Variants in HERC2 observed in about 807,000 individuals in gnomAD.
HERC2 encodes the protein E3 ubiquitin-protein ligase HERC2.
A neutral mutation model predicts 537.7 loss-of-function variants in HERC2; 102 were observed. The observed-to-expected ratio is 0.19, with a 90% CI of 0.16 to 0.22. The LOEUF (loss-of-function observed/expected upper bound fraction) is 0.22. Ranked by LOEUF, HERC2 falls within the 10% of genes least tolerant of loss-of-function variation. HERC2 has a pLI of 1.00. For synonymous variants in HERC2, 2,224 were observed against 2,466.2 expected, an observed-to-expected ratio of 0.90 and a Z score of 2.91; for missense variants, 4,236 against 6,198.2, an observed-to-expected ratio of 0.68 and a Z score of 10.63.
intron 4 of HERC2, among the ~76,000 whole-genome samples, chr15:28,287,885 A>G (rs2076203257): frequency 4.6e-5 from 7 of 151,794 alleles, no homozygotes; most frequent in Admixed American, 4.6e-4. Context: ...CACCACGCCC[A>G]GCTAATTTTT....
chr15:28,144,838 C>T, intron 71 of HERC2, 34 bp from the exon 72 acceptor site: 1 of 1,613,502 alleles, frequency 6.2e-7, no homozygotes, highest in Non-Finnish European at 8.5e-7. Context: ...GGGTTAGCTT[C>T]ACTCCATCAT....
chr15:28,231,984 T>G (rs927898660), intron 30 of HERC2, among the ~76,000 whole-genome samples: 1 of 152,004 alleles, frequency 6.6e-6, no homozygotes, highest in Non-Finnish European at 1.5e-5. Flanking sequence ...CGAGGCAGCC[T>G]GTCTCCTGGG....
At chr15:28,132,468 A>G (rs1172659116) in intron 80 of HERC2, among the ~76,000 whole-genome samples, 185 bp downstream of exon 80, 1 of 152,252 alleles carries the variant, frequency 6.6e-6, no homozygotes, top group Admixed American at 6.5e-5. Context: ...AGGAGGTATC[A>G]GCGTCTTTGA....
Position 28,186,749 on chromosome 15 carries a change from G to A in HERC2, c.8653C>T (p.His2885Tyr), listed in dbSNP as rs1437848694. The change falls in exon 56 of 93, where the codon CAC becomes TAC. Residue 2885 changes from histidine to tyrosine, a missense_variant. His to Tyr is a moderately conservative substitution (Grantham distance 83, BLOSUM62 2). Around this residue, in one of 27 missense-constraint regions of HERC2, gnomAD observed 606 missense variants for 884.5 expected, o/e 0.69. Transcript: ENST00000261609. Reference protein sequence around the residue: ...VPLLNDCTEYHRYIEIAIKQC... With the variant: ...VPLLNDCTEYYRYIEIAIKQC... The stretch of plus-strand genomic sequence containing the variant: ...TTTATAGCAATTTCAATATACCTGT[G>A]ATACTAGACACAAAAACCATGATCT... The A allele has an allele frequency of 3.1e-6, 5 of 1,610,888 alleles. No homozygotes were observed. The East Asian group carries it at 6.7e-5, about 22-fold the overall frequency.
intron 20 of HERC2, 52 bp downstream of exon 20, chr15:28,254,288 C>A (rs117902599): frequency 0.02 from 26,462 of 1,332,494 alleles, 467 homozygotes; most frequent in Middle Eastern, 0.063. Flanking sequence ...GTCACACACA[C>A]AAAAAAAAGT....
chr15:28,111,770 C>T lies in HERC2; in HGVS notation c.14498G>A (p.Gly4833Glu), dbSNP rs141739498. 201 of 1,613,244 alleles carry T rather than the reference C, an allele frequency of 1.2e-4. No homozygotes were observed. Among genetic ancestry groups the T allele is most frequent in the Non-Finnish European group, 1.6e-4 (183 of 1,179,240 alleles). The change falls in exon 93 of 93, where the codon GGA becomes GAA. Residue 4833 changes from glycine to glutamate, a missense_variant. Gly to Glu is a moderately conservative substitution (Grantham distance 98). Around this residue, in one of 27 missense-constraint regions of HERC2, gnomAD observed 313 missense variants for 462.6 expected, o/e 0.68. Transcript: ENST00000261609. ...ASDSTQDYLT[G>E]H ...CGAGGACGTTTCCCCATCTTAGTGT[C>T]CTGTTAAATAATCTTGTGTAGAGTC...
At chr15:28,317,380 C>T (rs1350965006) in intron 2 of HERC2, among the ~76,000 whole-genome samples, 3 of 152,166 alleles carry the variant, frequency 2.0e-5, no homozygotes, top group African/African-American at 7.2e-5. Context: ...TGAGCCACCG[C>T]GCCCAGCCGA....
In HERC2 at chr15:28,255,992, T is replaced by C; in HGVS notation, c.2751A>G (p.Ser917=). ...CTGGACTTATGTTCACTTCATTGCCTGAAACTGAAATAGAAAGTGTGTGCC... is the reference window on the plus strand; with the variant it reads ...CTGGACTTATGTTCACTTCATTGCCCGAAACTGAAATAGAAAGTGTGTGCC... ...ALSALLPCAV[S]GNEVNISPGR... Residue 917 remains serine, a synonymous_variant, in exon 19 of 93, where the codon TCA becomes TCG. Transcript: ENST00000261609. 6.2e-7 allele frequency: 1 copy of C among 1,605,964 alleles called. No individual in the cohort carries two copies. The highest frequency in any genetic ancestry group is 1.1e-5 in the South Asian group (1 of 91,072).
chr15:28,141,541 T>C lies in HERC2; in HGVS notation c.11906A>G (p.Glu3969Gly). Residue 3969 changes from glutamate to glycine, a missense_variant, in exon 78 of 93, where the codon GAA becomes GGA. Physicochemically the swap from Glu to Gly is moderately conservative, Grantham distance 98. Transcript: ENST00000261609. ...HNHRGQLGGI[E>G]GAKVKVPTPC... ...AGTGGGAACTTTGACTTTTGCGCCT[T>C]CAATGCCCCCGAGCTGGCCCCTGTG... 6.2e-7 allele frequency: 1 copy of C among 1,614,138 alleles called. No homozygotes were observed. Among genetic ancestry groups the C allele is most frequent in the Non-Finnish European group, 8.5e-7 (1 of 1,180,032 alleles).
intron 10 of HERC2, 102 bp downstream of exon 10, chr15:28,270,593 A>C: frequency 8.8e-7 from 1 of 1,140,506 alleles, no homozygotes; most frequent in Non-Finnish European, 1.3e-6. Flanking sequence ...AGCTCCCCCT[A>C]CCAATACCAG....
rs2075252528 is a variant in HERC2 at position 28,256,114 on chromosome 15, T to C, written c.2721A>G (p.Ala907=). ...LLPTAEERAR[A]LSALLPCAVS... is the part of the protein sequence containing the mutation. The stretch of plus-strand genomic sequence containing the variant: ...CTGCGCAGGGCAGGAGAGCAGAGAG[T>C]GCCCGGGCCCGCTCCTCCGCGGTGG... The change falls in exon 18 of 93, where the codon GCA becomes GCG. Residue 907 remains alanine, a synonymous_variant. Coordinates refer to ENST00000261609, the MANE Select transcript of HERC2 (RefSeq NM_004667.6). 1.2e-6 allele frequency: 2 copies of C among 1,602,420 alleles called. No homozygotes were observed. Among genetic ancestry groups the C allele is most frequent in the African/African-American group, 2.7e-5 (2 of 74,856 alleles).
intron 65 of HERC2, among the ~76,000 whole-genome samples, chr15:28,173,493 A>G (rs113317087): frequency 0.047 from 7,150 of 152,282 alleles, 543 homozygotes; most frequent in African/African-American, 0.16. Flanking sequence ...TTCTATTTAT[A>G]GTAAGCTGTA....
chr15:28,265,400 C>T lies in HERC2; in HGVS notation c.1870+218G>A, dbSNP rs1430184541. 2.0e-5 allele frequency among the ~76,000 whole-genome samples: 3 copies of T among 152,092 alleles called. No homozygotes were observed. Among genetic ancestry groups the T allele is most frequent in the African/African-American group, 7.2e-5 (3 of 41,406 alleles). ...TCTCATTCTTAAAAAATAAAATGCC[C>T]ACACAGGAACGGCGGCAGCTGCTAA... On this transcript the variant is annotated intron_variant, in intron 14 of 92. Coordinates refer to ENST00000261609, the MANE Select transcript of HERC2 (RefSeq NM_004667.6). The surrounding 1 kb of genome is among the most constrained non-coding windows in gnomAD (Gnocchi z 4.0).
At chr15:28,195,683 T>C (rs1379296591) in intron 52 of HERC2, among the ~76,000 whole-genome samples, 1 of 151,922 alleles carries the variant, frequency 6.6e-6, no homozygotes, top group East Asian at 1.9e-4. Flanking sequence ...TAAGGGGAAG[T>C]AGGGCAGTTA....
chr15:28,284,170 T>A (rs1235629116), intron 4 of HERC2, among the ~76,000 whole-genome samples: 1 of 152,090 alleles, frequency 6.6e-6, no homozygotes, highest in Non-Finnish European at 1.5e-5. Context: ...GCATTTCAGA[T>A]TTTGGATTTT....
chr15:28,141,055 T>C (rs1386693344), intron 78 of HERC2, among the ~76,000 whole-genome samples: 1 of 151,582 alleles, frequency 6.6e-6, no homozygotes, highest in African/African-American at 2.4e-5. Context: ...CTGGCCGACA[T>C]GGTGAAAACC....
In HERC2 at chr15:28,255,984, T is replaced by C; in HGVS notation, c.2759A>G (p.Glu920Gly). The C allele has an allele frequency of 6.2e-7, 1 of 1,606,282 alleles. No individual in the cohort carries two copies. Among genetic ancestry groups the C allele is most frequent in the Non-Finnish European group, 8.5e-7 (1 of 1,179,822 alleles). ...ALLPCAVSGN[E>G]VNISPGRRFM... ...TCGACGACCTGGACTTATGTTCACT[T>C]CATTGCCTGAAACTGAAATAGAAAG... The change falls in exon 19 of 93, where the codon GAA (glutamate) becomes GGA (glycine). Residue 920 changes from glutamate to glycine, a missense_variant. By Grantham distance (98) the Glu-to-Gly change is moderately conservative. This residue lies in a region of HERC2 where 754 missense variants were observed against 1,085.0 expected (regional missense o/e 0.69). Coordinates refer to ENST00000261609, the MANE Select transcript of HERC2 (RefSeq NM_004667.6).
At position 28,132,642 on chromosome 15, in the gene HERC2, C is replaced by T. The variant is rs202216879; in HGVS notation, c.12408+11G>A. On this transcript the variant is annotated intron_variant, in intron 80 of 92. Transcript: ENST00000261609. ...TGCAGCCTCCGGCCTCTGCACACGG[C>T]GCCTCCTCACCAGCTTCGGCTTCAG... 10 of 1,481,162 alleles carry T rather than the reference C, an allele frequency of 6.8e-6. No homozygotes were observed. Among genetic ancestry groups the T allele is most frequent in the South Asian group, 5.5e-5 (4 of 72,188 alleles). 91.8% of individuals were successfully genotyped at this position (1,481,162 alleles called of 1,614,324 possible).
chr15:28,121,499 A>G (rs1888883909), intron 85 of HERC2, 70 bp from the exon 86 acceptor site: 1 of 1,270,932 alleles, frequency 7.9e-7, no homozygotes, highest in Admixed American at 1.7e-5. Flanking sequence ...AAATCATCAC[A>G]TAGTTTTGTT....
Sources: allele counts gnomAD v4.1 joint callset (sites outside exome capture counted in the v4.1 genomes callset), GRCh38; gene constraint gnomAD v4.1.1; regional missense constraint gnomAD v4.1.1; non-coding constraint Gnocchi (gnomAD v3.1); transcripts MANE v1.5; gene names NCBI Gene and HGNC (gene_info 2026-07-23, HGNC 2026-07-21).